The following SORBS3 variants were observed in gnomAD, a reference collection of about 807,000 sequenced individuals.
SORBS3 encodes vinexin.
A neutral mutation model predicts 98.0 loss-of-function variants in SORBS3; 69 were observed. That is an observed-to-expected ratio of 0.70 (90% CI 0.58 to 0.86). The LOEUF is 0.86. Ranked by LOEUF, SORBS3 falls within the 40% of genes least tolerant of loss-of-function variation. SORBS3 has a pLI of 0.00. For synonymous variants in SORBS3, 394 were observed against 355.4 expected, an observed-to-expected ratio of 1.11 and a Z score of -1.22; for missense variants, 954 against 908.5, an observed-to-expected ratio of 1.05 and a Z score of -0.64.
Position 22,566,718 on chromosome 8 carries a change from G to A in SORBS3, c.1143+5G>A, listed in dbSNP as rs1256928669. ...GCCAGGAGGGAAGAGAAGAAGGTAA[G>A]GAGGGGACCAGGTGTGGGGGACCTG... On this transcript the variant is annotated splice_donor_5th_base_variant and intron_variant, in intron 14 of 20. Coordinates refer to ENST00000240123, the MANE Select transcript of SORBS3 (RefSeq NM_005775.5). 6.8e-6 allele frequency: 11 copies of A among 1,613,392 alleles called. No individual in the cohort carries two copies. Among genetic ancestry groups the A allele is most frequent in the South Asian group, 4.4e-5 (4 of 91,082 alleles).
intron 11 of SORBS3, 36 bp from the exon 12 acceptor site, chr8:22,565,790 G>A (rs1411381126): frequency 7.6e-7 from 1 of 1,318,736 alleles, no homozygotes; most frequent in Non-Finnish European, 9.7e-7. Context: ...TGGGTCCCGG[G>A]GTCGCGGGCC....
At chr8:22,555,643 G>A (rs1252032931) in intron 3 of SORBS3, among the ~76,000 whole-genome samples, 1 of 152,084 alleles carries the variant, frequency 6.6e-6, no homozygotes, top group East Asian at 1.9e-4. Flanking sequence ...CTGAGGTCAG[G>A]AGTTCGAGAC....
At chr8:22,565,221 C>G (rs1443327415) in intron 10 of SORBS3, 47 bp from the exon 11 acceptor site, 1 of 1,504,630 alleles carries the variant, frequency 6.6e-7, no homozygotes, top group Non-Finnish European at 9.0e-7. Context: ...TGCCTCCCAC[C>G]CCCACGGTGC....
intron 17 of SORBS3, 29 bp downstream of exon 17, chr8:22,569,302 G>T (rs749652258): frequency 1.5e-5 from 24 of 1,550,484 alleles, no homozygotes; most frequent in Non-Finnish European, 1.8e-5. Context: ...GGAGGGGTGG[G>T]TGGGGGCAGG....
rs1840695455 is a variant in SORBS3, at chr8:22,574,952, C to T, written c.*224C>T. The T allele has an allele frequency of 2.9e-6, 2 of 681,734 alleles. No homozygotes were observed. The highest frequency in any genetic ancestry group is 1.5e-5 in the South Asian group (1 of 66,666). 42.2% of individuals were successfully genotyped at this position (681,734 alleles called of 1,614,324 possible). On this transcript the variant is annotated 3_prime_UTR_variant, in exon 21 of 21. Coordinates refer to ENST00000240123, the MANE Select transcript of SORBS3 (RefSeq NM_005775.5). The stretch of plus-strand genomic sequence containing the variant: ...CTCCCACAGCCCTTTCATTTCCTCC[C>T]CACCCCACTCCCCAAATACAGAGGT...
intron 12 of SORBS3, chr8:22,566,086 G>A (rs1328457605): frequency 3.6e-6 from 2 of 562,686 alleles, no homozygotes; most frequent in Non-Finnish European, 5.4e-6. Context: ...AGAGGACCGG[G>A]GTCGCGGCCG....
chr8:22,563,133 T>A (rs75759307), intron 7 of SORBS3, among the ~76,000 whole-genome samples: 1 of 151,386 alleles, frequency 6.6e-6, no homozygotes, highest in South Asian at 2.1e-4. Flanking sequence ...AAAAAAAAAA[T>A]TATGATTACT....
rs75706846 is a variant in SORBS3 at position 22,561,020 on chromosome 8, C to T, written c.479-315C>T. 5.5e-3 allele frequency: 1,813 copies of T among 329,918 alleles called. 22 individuals carry two copies. The highest frequency in any genetic ancestry group is 0.03 in the African/African-American group (1,395 of 47,098). 20.4% of individuals were successfully genotyped at this position (329,918 alleles called of 1,614,324 possible). On this transcript the variant is annotated intron_variant, in intron 5 of 20. Coordinates refer to ENST00000240123, the MANE Select transcript of SORBS3 (RefSeq NM_005775.5). ...GAAGAGGGTGCAAGTCGAGTTTCCC[C>T]AGCCTGAGTGGTGAGGGCAAGTCCA...
At chr8:22,565,585 C>T in intron 11 of SORBS3, 1 of 685,832 alleles carries the variant, frequency 1.5e-6, no homozygotes, top group East Asian at 3.8e-5. Flanking sequence ...AAGCGGACTC[C>T]ACGTCAGCCC....
At chr8:22,548,149 C>A (rs757568656), upstream of SORBS3, among the ~76,000 whole-genome samples, 1 of 152,230 alleles carries the variant, frequency 6.6e-6, no homozygotes, top group Non-Finnish European at 1.5e-5. Flanking sequence ...TACCAGAAAT[C>A]TTGAATTCCA....
At chr8:22,552,829 G>C (rs990650337) in intron 1 of SORBS3, among the ~76,000 whole-genome samples, 2 of 152,216 alleles carry the variant, frequency 1.3e-5, no homozygotes, top group African/African-American at 4.8e-5. Flanking sequence ...CCCCCGCAAG[G>C]GGAGGTGGAG....
Position 22,554,593 on chromosome 8 carries a change from C to T in SORBS3, c.87C>T (p.Ser29=), listed in dbSNP as rs1341762289. 1.9e-6 allele frequency: 3 copies of T among 1,612,470 alleles called. No individual in the cohort carries two copies. Among genetic ancestry groups the T allele is most frequent in the Admixed American group, 1.7e-5 (1 of 59,980 alleles). ...PGHLQSHIGS[S]SRGTRVPVIR... Reference sequence around the variant, plus strand: ...ACCTCCAGTCCCACATAGGGTCTTCCTCCCGGGGGACACGGGTGAGTGAGT... The same window carrying T: ...ACCTCCAGTCCCACATAGGGTCTTCTTCCCGGGGGACACGGGTGAGTGAGT... The change falls in exon 2 of 21, where the codon TCC becomes TCT. Residue 29 remains serine, a synonymous_variant. Transcript: ENST00000240123. This position sits in a 1 kb window ranked among gnomAD's most constrained non-coding sequence, Gnocchi z 6.5.
intron 20 of SORBS3, 107 bp from the exon 21 acceptor site, chr8:22,574,560 G>C: frequency 9.1e-7 from 1 of 1,102,382 alleles, no homozygotes; most frequent in Non-Finnish European, 1.3e-6. Flanking sequence ...CTCCCCTACA[G>C]AACTCCCCTA....
At chr8:22,561,174 GC>G in intron 5 of SORBS3, 160 bp from the exon 6 acceptor site, 1 of 667,072 alleles carries the variant, frequency 1.5e-6, no homozygotes, top group South Asian at 2.2e-5. Context: ...CCAGAGAGCT[GC>G]CCTCCTAATT....
At chr8:22,572,230 C>A in intron 19 of SORBS3, 110 bp from the exon 20 acceptor site, 1 of 846,386 alleles carries the variant, frequency 1.2e-6, no homozygotes, top group Non-Finnish European at 2.0e-6. Flanking sequence ...GGAGCTGGAT[C>A]AGGGGCTAGT....
chr8:22,570,837 A>G (rs1357577363), intron 17 of SORBS3, 73 bp from the exon 18 acceptor site: 9 of 1,390,124 alleles, frequency 6.5e-6, no homozygotes, highest in Non-Finnish European at 8.9e-6. Flanking sequence ...GTTGAATGAG[A>G]CAGCCCAGAT....
At chr8:22,572,201 A>G (rs563968105) in intron 19 of SORBS3, 139 bp from the exon 20 acceptor site, 8 of 717,728 alleles carry the variant, frequency 1.1e-5, no homozygotes, top group Non-Finnish European at 2.0e-5. Flanking sequence ...TACGGTGAGC[A>G]CAGGCTGAGT....
intron 16 of SORBS3, among the ~76,000 whole-genome samples, chr8:22,568,488 GGTT>G: frequency 6.6e-6 from 1 of 152,140 alleles, no homozygotes; most frequent in Middle Eastern, 3.2e-3. Context: ...CCATGGGTTG[GGTT>G]GTTGTTTAAT....
chr8:22,559,306 T>C (rs1488047974), intron 5 of SORBS3, among the ~76,000 whole-genome samples: 2 of 152,168 alleles, frequency 1.3e-5, no homozygotes, highest in African/African-American at 4.8e-5. Flanking sequence ...AATTTGCTGA[T>C]GGATTGGACG....
Sources: gnomAD v4.1 joint callset for allele counts (sites outside exome capture counted in the v4.1 genomes callset) on GRCh38, gnomAD v4.1.1 for gene constraint, Gnocchi (gnomAD v3.1) non-coding constraint, MANE v1.5 for transcripts, NCBI Gene and HGNC (gene_info 2026-07-23, HGNC 2026-07-21) for gene names.